Variants in GPC5 observed in about 807,000 individuals in gnomAD.
The protein encoded by GPC5 is glypican-5.
GPC5 carries 47 observed loss-of-function variants against 53.9 expected under a neutral mutation model. The observed-to-expected ratio is 0.87, with a 90% CI of 0.69 to 1.11. The LOEUF (loss-of-function observed/expected upper bound fraction) is 1.11, where lower values mean the gene tolerates loss of function less well. Ranked by LOEUF, GPC5 falls within the 50% of genes most tolerant of loss-of-function variation. The pLI is 0.00. For missense variants in GPC5, 748 were observed against 713.1 expected (o/e 1.05, Z -0.56); for synonymous variants, 286 against 263.3 (o/e 1.09, Z -0.84).
intron 2 of GPC5, among the ~76,000 whole-genome samples, chr13:91,467,141 G>A (rs1882291744): frequency 6.6e-6 from 1 of 152,096 alleles, no homozygotes; most frequent in Non-Finnish European, 1.5e-5. Context: ...AATCTATTGT[G>A]GAAAATAGAC....
At chr13:92,799,747 T>C (rs2138785549) in intron 7 of GPC5, among the ~76,000 whole-genome samples, 1 of 151,900 alleles carries the variant, frequency 6.6e-6, no homozygotes, top group African/African-American at 2.4e-5. Context: ...GGAAACCACC[T>C]TTTTCTCTCC....
intron 1 of GPC5, among the ~76,000 whole-genome samples, chr13:91,440,535 A>G (rs893467474): frequency 1.3e-5 from 2 of 152,174 alleles, no homozygotes; most frequent in African/African-American, 4.8e-5. Context: ...AGATAGTTGT[A>G]ATAGCTACTT....
intron 6 of GPC5, among the ~76,000 whole-genome samples, chr13:92,032,445 T>TA (rs1350786390): frequency 4.8e-4 from 72 of 149,542 alleles, no homozygotes; most frequent in African/African-American, 1.7e-3. Flanking sequence ...AAATAAAAAT[T>TA]TAAAAAAAAA....
chr13:92,174,837 C>T (rs1471334339), intron 7 of GPC5, among the ~76,000 whole-genome samples: 1 of 152,162 alleles, frequency 6.6e-6, no homozygotes, highest in Non-Finnish European at 1.5e-5. Flanking sequence ...TGTGAGACTT[C>T]GAAAAGTCCT....
intron 7 of GPC5, among the ~76,000 whole-genome samples, chr13:92,771,381 C>T (rs903488425): frequency 2.6e-5 from 4 of 152,138 alleles, no homozygotes; most frequent in African/African-American, 9.7e-5. Context: ...CTCGCTCTGT[C>T]GCCCAGGCTG....
chr13:92,471,422 G>A (rs1310823189), intron 7 of GPC5, among the ~76,000 whole-genome samples: 1 of 151,914 alleles, frequency 6.6e-6, no homozygotes, highest in Non-Finnish European at 1.5e-5. Context: ...GGAAAGAAAG[G>A]GAAGCTCCAA....
At chr13:92,321,419 C>T (rs2043214723) in intron 7 of GPC5, among the ~76,000 whole-genome samples, 1 of 152,134 alleles carries the variant, frequency 6.6e-6, no homozygotes, top group Non-Finnish European at 1.5e-5. Flanking sequence ...TCGTGAAACC[C>T]TGTCTGTACT....
At chr13:91,430,906 G>T (rs78700239) in intron 1 of GPC5, among the ~76,000 whole-genome samples, 1 of 152,104 alleles carries the variant, frequency 6.6e-6, no homozygotes, top group African/African-American at 2.4e-5. Context: ...ACAGGGTCTC[G>T]CTGTGTTACA....
chr13:92,718,505 C>T (rs1433168551), intron 7 of GPC5, among the ~76,000 whole-genome samples: 7 of 151,994 alleles, frequency 4.6e-5, no homozygotes, highest in Non-Finnish European at 1.0e-4. Flanking sequence ...ATTAAACAAT[C>T]GAACTCATGG....
At chr13:91,518,154 G>A (rs548951448) in intron 2 of GPC5, among the ~76,000 whole-genome samples, 1 of 152,272 alleles carries the variant, frequency 6.6e-6, no homozygotes, top group South Asian at 2.1e-4. Flanking sequence ...TAATTCAAAA[G>A]CTTAACTGTT....
chr13:92,765,234 A>G (rs1254636367), intron 7 of GPC5, among the ~76,000 whole-genome samples: 2 of 152,144 alleles, frequency 1.3e-5, no homozygotes, highest in African/African-American at 4.8e-5. Context: ...TTGGGGCCAG[A>G]TGCATGTTGC....
intron 4 of GPC5, among the ~76,000 whole-genome samples, chr13:91,735,005 T>G (rs2036783809): frequency 6.6e-6 from 1 of 151,178 alleles, no homozygotes; most frequent in Admixed American, 6.6e-5. Context: ...AATTTGTTCC[T>G]TTTAGACATT....
At chr13:92,435,666 C>G (rs929805995) in intron 7 of GPC5, among the ~76,000 whole-genome samples, 1 of 152,136 alleles carries the variant, frequency 6.6e-6, no homozygotes, top group Non-Finnish European at 1.5e-5. Flanking sequence ...AAGGTTAACA[C>G]TGGGCATTGA....
chr13:92,719,603 T>C, intron 7 of GPC5, among the ~76,000 whole-genome samples: 1 of 152,226 alleles, frequency 6.6e-6, no homozygotes, highest in East Asian at 1.9e-4. Flanking sequence ...TTTCCAGAGG[T>C]TCTAACAATT....
At chr13:91,449,853 T>C (rs888373782) in intron 2 of GPC5, among the ~76,000 whole-genome samples, 1 of 152,170 alleles carries the variant, frequency 6.6e-6, no homozygotes, top group African/African-American at 2.4e-5. Flanking sequence ...TTTCTTCTTA[T>C]AAAGCATTAG....
At chr13:91,547,324 T>G (rs1388970348) in intron 2 of GPC5, among the ~76,000 whole-genome samples, 1 of 151,954 alleles carries the variant, frequency 6.6e-6, no homozygotes, top group East Asian at 1.9e-4. Context: ...AAAGGGGACA[T>G]AATTGCAGAT....
chr13:91,918,387 T>C (rs775657437), intron 6 of GPC5, among the ~76,000 whole-genome samples: 37 of 152,246 alleles, frequency 2.4e-4, no homozygotes, highest in Non-Finnish European at 4.4e-4. Flanking sequence ...TTTTCATTTG[T>C]ATATGGAACA....
At chr13:91,502,850 T>C (rs1382378003) in intron 2 of GPC5, among the ~76,000 whole-genome samples, 1 of 152,194 alleles carries the variant, frequency 6.6e-6, no homozygotes, top group Non-Finnish European at 1.5e-5. Context: ...GCTCAGAGTA[T>C]GTATAACAAA....
chr13:91,955,851 T>C (rs2040068220), intron 6 of GPC5, among the ~76,000 whole-genome samples: 1 of 152,192 alleles, frequency 6.6e-6, no homozygotes, highest in Non-Finnish European at 1.5e-5. Context: ...TGGAGCCCCA[T>C]TGATATCACC....
Sources: allele counts gnomAD v4.1 joint callset (sites outside exome capture counted in the v4.1 genomes callset), GRCh38; gene constraint gnomAD v4.1.1; transcripts MANE v1.5; gene names NCBI Gene and HGNC (gene_info 2026-07-23, HGNC 2026-07-21).